Variants in CAPN9 observed in about 807,000 individuals in gnomAD.
The protein encoded by CAPN9 is calpain 9.
CAPN9 carries 81 observed loss-of-function variants against 92.8 expected under a neutral mutation model. The ratio of observed to expected loss-of-function variants is 0.87; its 90% CI spans 0.73 to 1.05. The LOEUF is 1.05. CAPN9 is among the 50% of genes least tolerant of loss of function. The probability of loss-of-function intolerance (pLI) is 0.00; values close to 1 mark genes in which losing one functional copy is unlikely to be tolerated. For synonymous variants in CAPN9, 304 were observed against 328.0 expected (o/e 0.93, Z 0.79); for missense variants, 848 against 866.2 (o/e 0.98, Z 0.26).
At chr1:230,763,687 G>A (rs1259111794) in intron 4 of CAPN9, among the ~76,000 whole-genome samples, 1 of 152,220 alleles carries the variant, frequency 6.6e-6, no homozygotes, top group African/African-American at 2.4e-5. Context: ...ACAGAAGCAA[G>A]GATGGTCTTG....
chr1:230,755,775 C>T (rs966649795), intron 2 of CAPN9, among the ~76,000 whole-genome samples: 3 of 152,190 alleles, frequency 2.0e-5, no homozygotes, highest in Admixed American at 6.5e-5. Context: ...ATCTTCACAA[C>T]CCACCCTCCT....
chr1:230,796,796 G>C (rs1668387919), intron 18 of CAPN9, among the ~76,000 whole-genome samples: 1 of 152,104 alleles, frequency 6.6e-6, no homozygotes, highest in Non-Finnish European at 1.5e-5. Flanking sequence ...AACCACCCAG[G>C]TGTAATCCTT....
At chr1:230,777,041 C>T (rs1255447461) in intron 8 of CAPN9, 1 of 152,126 alleles carries the variant, frequency 6.6e-6, no homozygotes, top group Non-Finnish European at 1.5e-5. Flanking sequence ...GTACAGGGGA[C>T]TTTGAGTTAG....
At chr1:230,762,522 G>C (rs1665708161) in intron 3 of CAPN9, 131 bp from the exon 4 acceptor site, 2 of 1,054,068 alleles carry the variant, frequency 1.9e-6, no homozygotes, top group Non-Finnish European at 2.8e-6. Context: ...GAACCCGTGT[G>C]TGATTTTCAA....
chr1:230,796,878 C>T (rs1248074283), intron 18 of CAPN9, among the ~76,000 whole-genome samples: 1 of 152,194 alleles, frequency 6.6e-6, no homozygotes, highest in African/African-American at 2.4e-5. Flanking sequence ...ACCCTTTAGG[C>T]TTAACACCAT....
At chr1:230,761,254 C>A (rs1470330294) in intron 3 of CAPN9, among the ~76,000 whole-genome samples, 1 of 152,146 alleles carries the variant, frequency 6.6e-6, no homozygotes. Context: ...CTCCTTCACA[C>A]TCCTCTTCCA....
chr1:230,801,664 C>G lies in CAPN9; in HGVS notation c.*68C>G, dbSNP rs368405575. 2 of 1,431,284 alleles carry G rather than the reference C, an allele frequency of 1.4e-6. No homozygotes were observed. The allele number at this position is 1,431,284 out of a possible 1,614,324, so 88.7% of individuals were successfully genotyped here. On this transcript the variant is annotated 3_prime_UTR_variant, in exon 20 of 20. Transcript: ENST00000271971. Reference sequence around the variant, plus strand: ...TTCTGGACCTTGACCTTCAGAACTTCTCTTGGTGTGGAACCATTACGCCCA... The same window carrying G: ...TTCTGGACCTTGACCTTCAGAACTTGTCTTGGTGTGGAACCATTACGCCCA...
At chr1:230,778,520 C>T (rs1304760203) in intron 8 of CAPN9, among the ~76,000 whole-genome samples, 1 of 152,154 alleles carries the variant, frequency 6.6e-6, no homozygotes, top group Admixed American at 6.5e-5. Flanking sequence ...TTACAGACAC[C>T]TCGTGCCTTC....
intron 17 of CAPN9, 29 bp downstream of exon 17, chr1:230,792,957 T>C (rs1472173439): frequency 1.3e-6 from 2 of 1,552,140 alleles, no homozygotes; most frequent in African/African-American, 1.4e-5. Context: ...TACAGGTGGC[T>C]GACTGCATGC....
At chr1:230,759,794 TA>T (rs2102848051) in intron 3 of CAPN9, among the ~76,000 whole-genome samples, 164 bp downstream of exon 3, 1 of 152,284 alleles carries the variant, frequency 6.6e-6, no homozygotes, top group African/African-American at 2.4e-5. Flanking sequence ...GAATAACAGC[TA>T]AATGCCTCAG....
intron 12 of CAPN9, 170 bp downstream of exon 12, chr1:230,786,187 CTG>C: frequency 1.0e-6 from 1 of 985,086 alleles, no homozygotes; most frequent in Non-Finnish European, 1.2e-6. Flanking sequence ...GTGTTCTAGT[CTG>C]TGCTCTTCTA....
intron 11 of CAPN9, among the ~76,000 whole-genome samples, chr1:230,781,191 C>G (rs548350463): frequency 6.6e-6 from 1 of 152,152 alleles, no homozygotes; most frequent in South Asian, 2.1e-4. Flanking sequence ...CTTAGCTTAT[C>G]TGCAAGGCAA....
At chr1:230,793,216 T>C (rs185133581) in intron 17 of CAPN9, among the ~76,000 whole-genome samples, 2 of 152,356 alleles carry the variant, frequency 1.3e-5, no homozygotes, top group East Asian at 3.9e-4. Context: ...CCTCATAGCC[T>C]CTGACCATGT....
At chr1:230,762,569 G>A in intron 3 of CAPN9, 84 bp from the exon 4 acceptor site, 1 of 1,519,442 alleles carries the variant, frequency 6.6e-7, no homozygotes, top group Non-Finnish European at 8.9e-7. Flanking sequence ...GGGGAAAAAA[G>A]CAACAGGATC....
intron 2 of CAPN9, among the ~76,000 whole-genome samples, chr1:230,757,570 G>C (rs1416091732): frequency 2.6e-5 from 4 of 152,070 alleles, no homozygotes; most frequent in Non-Finnish European, 4.4e-5. Context: ...GCCGTGATCT[G>C]TTGCCACCCA....
Position 230,747,713 on chromosome 1 carries a change from A to T in CAPN9, c.213+4A>T. 1 of 1,613,510 alleles carries T rather than the reference A, an allele frequency of 6.2e-7. No homozygotes were observed. Among genetic ancestry groups the T allele is most frequent in the Non-Finnish European group, 8.5e-7 (1 of 1,179,532 alleles). ...CTTTGTGTGGAAACGACCAGGGGTG[A>T]GTGGGGCGAGCAGGGGAAGGAGCAT... On this transcript the variant is annotated splice_donor_region_variant and intron_variant, in intron 1 of 19. Transcript: ENST00000271971.
chr1:230,787,677 G>A (rs897864736), intron 13 of CAPN9, 75 bp downstream of exon 13: 42 of 1,326,510 alleles, frequency 3.2e-5, no homozygotes, highest in Middle Eastern at 2.3e-4. Context: ...GGTTGCAGTC[G>A]TGGGGTTGGT....
intron 4 of CAPN9, 108 bp from the exon 5 acceptor site, chr1:230,767,433 A>C: frequency 1.1e-6 from 1 of 893,522 alleles, no homozygotes; most frequent in Non-Finnish European, 1.7e-6. Flanking sequence ...AGCCAGGGCA[A>C]GCCCTGGGAG....
In CAPN9 at chr1:230,795,234, T is replaced by G; in HGVS notation, c.1942T>G (p.Phe648Val). ...RYADEELQLD[F>V]DDFLNCLVRL... ...TGCGGATGAGGAGCTCCAGCTGGAC[T>G]TCGATGACTTCCTCAACTGCCTGGT... The change falls in exon 18 of 20, where the codon TTC (phenylalanine) becomes GTC (valine). Residue 648 changes from phenylalanine to valine, a missense_variant. Phe to Val is a conservative substitution (Grantham distance 50). Transcript: ENST00000271971. 2 of 1,613,586 alleles carry G rather than the reference T, an allele frequency of 1.2e-6. No homozygotes were observed. The highest frequency in any genetic ancestry group is 1.7e-6 in the Non-Finnish European group (2 of 1,179,700).
Sources: gnomAD v4.1 joint callset for allele counts (sites outside exome capture counted in the v4.1 genomes callset) on GRCh38, gnomAD v4.1.1 for gene constraint, MANE v1.5 for transcripts, NCBI Gene and HGNC (gene_info 2026-07-23, HGNC 2026-07-21) for gene names.